Variants in CHODL observed in about 807,000 individuals in gnomAD.
CHODL encodes chondrolectin.
CHODL carries 29 observed loss-of-function variants against 34.5 expected under a neutral mutation model. The ratio of observed to expected loss-of-function variants is 0.84; its 90% CI spans 0.63 to 1.15. CHODL has a LOEUF of 1.15. Ranked by LOEUF, CHODL falls within the 50% of genes most tolerant of loss-of-function variation. CHODL has a pLI of 0.00. For missense variants in CHODL, 332 were observed against 332.5 expected, an observed-to-expected ratio of 1.00 and a Z score of 0.01; for synonymous variants, 125 against 116.1, an observed-to-expected ratio of 1.08 and a Z score of -0.49.
intron 2 of CHODL, among the ~76,000 whole-genome samples, chr21:18,082,910 T>C (rs2064959385): frequency 6.7e-6 from 1 of 149,156 alleles, no homozygotes; most frequent in Non-Finnish European, 1.5e-5. Flanking sequence ...AGCCTGACCA[T>C]GTAGGAGGAA....
At chr21:18,030,621 G>T (rs905835977) in intron 2 of CHODL, among the ~76,000 whole-genome samples, 4 of 152,110 alleles carry the variant, frequency 2.6e-5, no homozygotes, top group African/African-American at 9.7e-5. Context: ...ACTAGATTAG[G>T]TTTCTGTTGG....
At chr21:18,152,677 TAAGATG>T (rs1477287099) in intron 2 of CHODL, among the ~76,000 whole-genome samples, 1 of 152,232 alleles carries the variant, frequency 6.6e-6, no homozygotes, top group African/African-American at 2.4e-5. Context: ...TCCAGTTTGC[TAAGATG>T]AATCTTACAT....
At chr21:18,132,881 ATAG>A (rs112864608) in intron 2 of CHODL, among the ~76,000 whole-genome samples, 10,476 of 152,044 alleles carry the variant, frequency 0.069, 392 homozygotes, top group Middle Eastern at 0.12. Context: ...ATAAATGTTG[ATAG>A]TAGTATGAAA....
At chr21:18,115,559 T>A (rs1005114259) in intron 2 of CHODL, among the ~76,000 whole-genome samples, 1 of 152,196 alleles carries the variant, frequency 6.6e-6, no homozygotes, top group African/African-American at 2.4e-5. Flanking sequence ...AAGTCTTTCT[T>A]ATATGTCATT....
chr21:17,922,923 C>T lies in CHODL; in HGVS notation c.-145+5523C>T, dbSNP rs577115199. 2.0e-5 allele frequency among the ~76,000 whole-genome samples: 3 copies of T among 152,206 alleles called. No individual in the cohort carries two copies. The East Asian group carries it at 5.8e-4, about 29-fold the overall frequency. On this transcript the variant is annotated intron_variant, in intron 1 of 6. Coordinates refer to the CHODL transcript ENST00000400127. ...TTCATTTTAGGGAGACGGGAGACAT[C>T]AGTCAACATATGAAAGATGAACATT...
chr21:18,041,441 T>A (rs546054353), intron 2 of CHODL, among the ~76,000 whole-genome samples: 3 of 151,964 alleles, frequency 2.0e-5, no homozygotes, highest in Non-Finnish European at 4.4e-5. Context: ...TAGCTATTTT[T>A]TTTTAAATGA....
chr21:18,043,610 T>C (rs540545413), intron 2 of CHODL, among the ~76,000 whole-genome samples: 1 of 152,026 alleles, frequency 6.6e-6, no homozygotes, highest in South Asian at 2.1e-4. Flanking sequence ...AAGGATGACA[T>C]GATGCTATGA....
At chr21:18,040,354 T>G (rs529718583) in intron 2 of CHODL, among the ~76,000 whole-genome samples, 1 of 151,968 alleles carries the variant, frequency 6.6e-6, no homozygotes, top group African/African-American at 2.4e-5. Context: ...TAAGTAAAGG[T>G]CTGCATTACA....
intron 2 of CHODL, among the ~76,000 whole-genome samples, chr21:18,201,582 A>G (rs1267706655): frequency 6.6e-6 from 1 of 152,098 alleles, no homozygotes; most frequent in African/African-American, 2.4e-5. Flanking sequence ...TTTCCTTGGT[A>G]TATTAAACTA....
intron 1 of CHODL, chr21:18,024,645 A>C (rs1339811117): frequency 6.6e-6 from 1 of 152,180 alleles, no homozygotes; most frequent in Non-Finnish European, 1.5e-5. Context: ...AGGAGGGTAA[A>C]GAGTAGTGGC....
chr21:18,152,862 C>T (rs1278381617), intron 2 of CHODL, among the ~76,000 whole-genome samples: 3 of 152,184 alleles, frequency 2.0e-5, no homozygotes, highest in Non-Finnish European at 2.9e-5. Context: ...AACTATTAGA[C>T]TCCAAATAAA....
intron 2 of CHODL, among the ~76,000 whole-genome samples, chr21:18,157,649 A>G (rs548308335): frequency 2.6e-5 from 4 of 152,344 alleles, no homozygotes; most frequent in Admixed American, 2.0e-4. Context: ...AAACTGTCTC[A>G]TCATCTCTAG....
chr21:17,943,324 C>G (rs2063380801), intron 1 of CHODL, among the ~76,000 whole-genome samples: 1 of 152,182 alleles, frequency 6.6e-6, no homozygotes, highest in Non-Finnish European at 1.5e-5. Flanking sequence ...TCAAGAGCCC[C>G]AGCCTGCTCC....
chr21:18,032,428 A>AT (rs1381671454), intron 2 of CHODL, among the ~76,000 whole-genome samples: 1 of 152,072 alleles, frequency 6.6e-6, no homozygotes, highest in Admixed American at 6.6e-5. Context: ...GAGAAAATAG[A>AT]TTTTTGACCC....
chr21:18,190,450 G>A (rs114597299), intron 2 of CHODL, among the ~76,000 whole-genome samples: 172 of 152,198 alleles, frequency 1.1e-3, no homozygotes, highest in African/African-American at 3.9e-3. Context: ...GACACTTCAC[G>A]GCAAATCCTA....
At chr21:18,070,529 A>T (rs570996350) in intron 2 of CHODL, among the ~76,000 whole-genome samples, 28 of 152,328 alleles carry the variant, frequency 1.8e-4, no homozygotes, top group African/African-American at 6.3e-4. Context: ...ATGGGCATTA[A>T]GCCTGCCTGC....
At chr21:18,174,135 A>ATATATATATATATATATATATATCTTGG in intron 2 of CHODL, among the ~76,000 whole-genome samples, 17 of 51,750 alleles carry the variant, frequency 3.3e-4, no homozygotes, top group Non-Finnish European at 4.6e-4. Flanking sequence ...ATATATATAT[A>ATATATATATATATATATATATATCTTGG]TATATATATA....
At chr21:18,219,599 G>A (rs1332730356) in intron 2 of CHODL, among the ~76,000 whole-genome samples, 2 of 151,964 alleles carry the variant, frequency 1.3e-5, no homozygotes, top group Admixed American at 6.6e-5. Context: ...GTTATTTTTT[G>A]TCTTTTTGAT....
chr21:17,967,711 A>C (rs1358471745), intron 1 of CHODL, among the ~76,000 whole-genome samples: 1 of 149,106 alleles, frequency 6.7e-6, no homozygotes, highest in East Asian at 2.1e-4. Flanking sequence ...AAAAAAGTGC[A>C]AGGAGAGTGT....
Sources: gnomAD v4.1 joint callset for allele counts (sites outside exome capture counted in the v4.1 genomes callset) on GRCh38, gnomAD v4.1.1 for gene constraint, MANE v1.5 for transcripts, NCBI Gene and HGNC (gene_info 2026-07-23, HGNC 2026-07-21) for gene names.